The following VDR variants were observed in gnomAD, a reference collection of about 807,000 sequenced individuals.
The protein encoded by VDR is vitamin D3 receptor.
VDR carries 19 observed loss-of-function variants against 39.7 expected under a neutral mutation model. That is an observed-to-expected ratio of 0.48 (90% CI 0.33 to 0.70). The LOEUF is 0.70. Ranked by LOEUF, VDR falls within the 30% of genes least tolerant of loss-of-function variation. The pLI is 0.02. For missense variants in VDR, 442 were observed against 570.5 expected, an observed-to-expected ratio of 0.77 and a Z score of 2.29; for synonymous variants, 242 against 215.8, an observed-to-expected ratio of 1.12 and a Z score of -1.07.
At chr12:47,857,943 G>A (rs886570737) in intron 4 of VDR, among the ~76,000 whole-genome samples, 7 of 152,104 alleles carry the variant, frequency 4.6e-5, no homozygotes, top group African/African-American at 7.2e-5. Flanking sequence ...TTAGGGAGTC[G>A]GGGTTCTCAA....
intron 3 of VDR, among the ~76,000 whole-genome samples, chr12:47,871,334 C>CTTTCTTTCTTTCTTTCTTTATTTCT (rs1945867728): frequency 6.9e-6 from 1 of 145,334 alleles, no homozygotes; most frequent in African/African-American, 2.5e-5. Flanking sequence ...TTCTTTCTTT[C>CTTTCTTTCTTTCTTTCTTTATTTCT]TTTCTTTCTT....
chr12:47,882,623 G>GCCCCCAGCCCCCCCCCC, intron 2 of VDR, 71 bp downstream of exon 2: 1 of 543,282 alleles, frequency 1.8e-6, no homozygotes. Context: ...ACCTTCTTAT[G>GCCCCCAGCCCCCCCCCC]CCCCTCCCCC....
At chr12:47,860,681 T>C (rs1336980134) in intron 4 of VDR, among the ~76,000 whole-genome samples, 2 of 152,184 alleles carry the variant, frequency 1.3e-5, no homozygotes, top group Non-Finnish European at 2.9e-5. Context: ...CCGCATTGCA[T>C]GGCTTGGCGT....
At chr12:47,858,277 A>G (rs1592108640) in intron 4 of VDR, among the ~76,000 whole-genome samples, 1 of 152,224 alleles carries the variant, frequency 6.6e-6, no homozygotes, top group Admixed American at 6.5e-5. Context: ...CAGAGCTCTC[A>G]TAGCGCTGGA....
intron 1 of VDR, 199 bp downstream of exon 1, chr12:47,904,756 A>T: frequency 1.0e-6 from 1 of 975,890 alleles, no homozygotes; most frequent in East Asian, 2.7e-5. Flanking sequence ...GCCTGGCACG[A>T]ACTTCAGCTT....
rs778638622 is a variant in VDR at position 47,844,786 on chromosome 12, G to C, written c.1244C>G (p.Thr415Arg). ...GCCAAACACTTCGAGCACAAGGGGC[G>C]TTAGCTTCATGCTGCACTCAGGCTG... ...SFQPECSMKL[T>R]PLVLEVFGNE... The change falls in exon 10 of 10, where the codon ACG becomes AGG. Residue 415 changes from threonine to arginine, a missense_variant. Transcript: ENST00000549336. The C allele has an allele frequency of 6.2e-7, 1 of 1,614,192 alleles. No individual in the cohort carries two copies. Among genetic ancestry groups the C allele is most frequent in the Non-Finnish European group, 8.5e-7 (1 of 1,180,022 alleles).
intron 3 of VDR, among the ~76,000 whole-genome samples, chr12:47,870,181 T>C (rs1945822752): frequency 1.3e-5 from 2 of 152,120 alleles, no homozygotes; most frequent in African/African-American, 4.8e-5. Context: ...GGCTCAGAGG[T>C]CCTGTTCTTC....
At chr12:47,860,712 G>A (rs1421772839) in intron 4 of VDR, among the ~76,000 whole-genome samples, 1 of 152,076 alleles carries the variant, frequency 6.6e-6, no homozygotes, top group African/African-American at 2.4e-5. Context: ...GGAGTTCTTG[G>A]GCTGCTTTTC....
At chr12:47,896,109 T>C (rs994665029) in intron 1 of VDR, among the ~76,000 whole-genome samples, 6 of 152,256 alleles carry the variant, frequency 3.9e-5, no homozygotes, top group Non-Finnish European at 8.8e-5. Flanking sequence ...CTTCCTCACC[T>C]GTGAAATGAG....
chr12:47,861,532 G>GA (rs1945625297), intron 4 of VDR, among the ~76,000 whole-genome samples: 2 of 152,204 alleles, frequency 1.3e-5, no homozygotes, highest in Admixed American at 1.3e-4. Flanking sequence ...AATTTCATGG[G>GA]AAATTTCTTA....
In VDR at chr12:47,865,427, G is replaced by T. The variant is rs114784653; in HGVS notation, c.147-250C>A. On this transcript the variant is annotated intron_variant, in intron 3 of 9. Coordinates refer to ENST00000549336, the MANE Select transcript of VDR (RefSeq NM_000376.3). ...TTTTCTTTTAATTTTTGTTTCTTTTGGGGGGACAGGGTGTTGCTTTGTAGC... is the reference window on the plus strand; with the variant it reads ...TTTTCTTTTAATTTTTGTTTCTTTTTGGGGGACAGGGTGTTGCTTTGTAGC... Among the ~76,000 whole-genome samples the T allele has an allele frequency of 6.2e-3, 943 of 152,118 alleles. 10 individuals carry two copies. The highest frequency in any genetic ancestry group is 0.021 in the African/African-American group (878 of 41,494).
At chr12:47,865,421 T>G (rs1392898205) in intron 3 of VDR, among the ~76,000 whole-genome samples, 1 of 152,206 alleles carries the variant, frequency 6.6e-6, no homozygotes, top group Non-Finnish European at 1.5e-5. Flanking sequence ...AATTTTTGTT[T>G]CTTTTGGGGG....
chr12:47,871,286 CTCTTTCTCTTTCTTTCTT>C (rs1432751368), intron 3 of VDR, among the ~76,000 whole-genome samples: 47 of 134,242 alleles, frequency 3.5e-4, no homozygotes, highest in Middle Eastern at 7.2e-3. Context: ...CTCTTTCTTT[CTCTTTCTCTTTCTTTCTT>C]TCTTTCTTTC....
intron 3 of VDR, among the ~76,000 whole-genome samples, chr12:47,866,442 A>C (rs1451302422): frequency 2.0e-5 from 3 of 152,240 alleles, no homozygotes; most frequent in Non-Finnish European, 4.4e-5. Context: ...CCAGCATAAT[A>C]ACATTTAATG....
intron 3 of VDR, among the ~76,000 whole-genome samples, chr12:47,865,742 T>A (rs1945720116): frequency 7.0e-6 from 1 of 142,664 alleles, no homozygotes; most frequent in African/African-American, 2.7e-5. Flanking sequence ...TGAGACGGAG[T>A]TTTGCTCTGT....
chr12:47,849,579 A>C (rs1945345003), intron 7 of VDR, among the ~76,000 whole-genome samples: 1 of 152,230 alleles, frequency 6.6e-6, no homozygotes, highest in Admixed American at 6.5e-5. Flanking sequence ...GAGTTTTTTA[A>C]AAAGGAAAAC....
chr12:47,883,523 G>C (rs1181197743), intron 1 of VDR, among the ~76,000 whole-genome samples: 1 of 152,198 alleles, frequency 6.6e-6, no homozygotes, highest in Non-Finnish European at 1.5e-5. Flanking sequence ...GCAGCTGGCT[G>C]GGGGGCCAGC....
Position 47,878,953 on chromosome 12 carries a change from G to A in VDR, c.146+15C>T, listed in dbSNP as rs1946073243. Reference sequence around the variant, plus strand: ...CCTCCCTTTCCACTGGGGAGAGCCTGGGAGGAGGGCTCACCTGAAGAAGCC... The same window carrying A: ...CCTCCCTTTCCACTGGGGAGAGCCTAGGAGGAGGGCTCACCTGAAGAAGCC... On this transcript the variant is annotated intron_variant, in intron 3 of 9. Coordinates refer to ENST00000549336, the MANE Select transcript of VDR (RefSeq NM_000376.3). 6.2e-7 allele frequency: 1 copy of A among 1,614,034 alleles called. No homozygotes were observed. The highest frequency in any genetic ancestry group is 1.3e-5 in the African/African-American group (1 of 74,906).
intron 2 of VDR, among the ~76,000 whole-genome samples, chr12:47,881,119 T>TATATAC (rs150135188): frequency 0.05 from 7,489 of 148,946 alleles, 242 homozygotes; most frequent in Non-Finnish European, 0.071. Context: ...TATATATATA[T>TATATAC]ACACACACAT....
Sources: gnomAD v4.1 joint callset for allele counts (sites outside exome capture counted in the v4.1 genomes callset) on GRCh38, gnomAD v4.1.1 for gene constraint, MANE v1.5 for transcripts, NCBI Gene and HGNC (gene_info 2026-07-23, HGNC 2026-07-21) for gene names.